CLN5: variants seen among roughly 807,000 people sequenced by gnomAD.
CLN5 encodes the protein bis(monoacylglycero)phosphate synthase CLN5.
In CLN5, 34 loss-of-function variants were observed where a neutral mutation model predicts 36.7. The observed-to-expected ratio is 0.93, with a 90% confidence interval of 0.71 to 1.23. The LOEUF (loss-of-function observed/expected upper bound fraction) is 1.23, where lower values mean the gene tolerates loss of function less well. CLN5 is among the 50% of genes most tolerant of loss of function. The probability of loss-of-function intolerance (pLI) is 0.00; values close to 1 mark genes in which losing one functional copy is unlikely to be tolerated. For synonymous variants in CLN5, 151 were observed against 155.1 expected (o/e 0.97, Z 0.20); for missense variants, 427 against 439.4 (o/e 0.97, Z 0.25).
At chr13:76,994,237 G>A (rs1039727129) in intron 1 of CLN5, 21 of 152,106 alleles carry the variant, frequency 1.4e-4, no homozygotes, top group Admixed American at 7.2e-4. Context: ...AGTCTCTTCC[G>A]TCTCCATTCC....
At chr13:76,996,759 C>A (rs2034275560) in intron 3 of CLN5, 1 of 153,156 alleles carries the variant, frequency 6.5e-6, no homozygotes, top group Non-Finnish European at 1.5e-5. Context: ...CTGCTATAAA[C>A]ATGCATGGGA....
chr13:76,998,661 G>A (rs1490950984), intron 3 of CLN5: 1 of 152,216 alleles, frequency 6.6e-6, no homozygotes, highest in Non-Finnish European at 1.5e-5. Flanking sequence ...AGGAATTGAG[G>A]CTCAGCCAGG....
At chr13:76,998,991 T>C (rs2034314120) in intron 3 of CLN5, 1 of 152,156 alleles carries the variant, frequency 6.6e-6, no homozygotes, top group African/African-American at 2.4e-5. Context: ...GTAAAATAGT[T>C]CAAAATATGC....
At chr13:76,995,615 C>A in intron 2 of CLN5, 1 of 512,170 alleles carries the variant, frequency 2.0e-6, no homozygotes. Flanking sequence ...GGCATGGGGG[C>A]TCCTCACACT....
intron 1 of CLN5, chr13:76,993,036 C>T (rs2034207165): frequency 6.6e-6 from 1 of 152,180 alleles, no homozygotes; most frequent in South Asian, 2.1e-4. Flanking sequence ...TTTCTTTAAA[C>T]CAAAAGCATC....
rs1593906921 is a variant in CLN5, at chr13:76,992,096, C to G, written c.-3C>G. On this transcript the variant is annotated 5_prime_UTR_variant, in exon 1 of 4. Coordinates refer to ENST00000377453, the MANE Select transcript of CLN5 (RefSeq NM_006493.4). The stretch of plus-strand genomic sequence containing the variant: ...AGGCTCCGGAAGTACTGGGTGCAGC[C>G]TGATGGCGCAGGAGGTAGACACGGC... 4 of 1,611,836 alleles carry G rather than the reference C, an allele frequency of 2.5e-6. No homozygotes were observed. Among genetic ancestry groups the G allele is most frequent in the South Asian group, 1.1e-5 (1 of 91,036 alleles).
In CLN5 at chr13:77,001,034, T is replaced by C; in HGVS notation, c.*65T>C. The C allele has an allele frequency of 2.1e-6, 3 of 1,430,630 alleles. No homozygotes were observed. In the South Asian group the frequency reaches 3.6e-5, roughly 17 times the overall value. 88.6% of individuals were successfully genotyped at this position (1,430,630 alleles called of 1,614,324 possible). On this transcript the variant is annotated 3_prime_UTR_variant, in exon 4 of 4. Coordinates refer to ENST00000377453, the MANE Select transcript of CLN5 (RefSeq NM_006493.4). ...GCATCTGTTTTTCAGGGGGTGATTT[T>C]ACTTTTGTGAATTCCTTAGCCTTTC...
intron 2 of CLN5, chr13:76,995,566 C>T: frequency 2.0e-6 from 1 of 488,268 alleles, no homozygotes; most frequent in South Asian, 2.1e-5. Flanking sequence ...CAGGTTAACC[C>T]ATCACCATGT....
chr13:76,999,142 T>A (rs1393124403), intron 3 of CLN5: 2 of 152,230 alleles, frequency 1.3e-5, no homozygotes, highest in East Asian at 1.9e-4. Context: ...GTATCCCCAG[T>A]TCTAATACAA....
In CLN5 at chr13:77,004,890, A is replaced by T. The variant is rs897167670; in HGVS notation, c.*3921A>T. 6.6e-5 allele frequency: 10 copies of T among 152,222 alleles called. No homozygotes were observed. The highest frequency in any genetic ancestry group is 1.9e-4 in the African/African-American group (8 of 41,462). 9.4% of individuals were successfully genotyped at this position (152,222 alleles called of 1,614,324 possible). ...TGAAAATAATTTCAATAGTTGAAAA[A>T]CTATTCTAATTTATATAAAGACATT... On this transcript the variant is annotated 3_prime_UTR_variant, in exon 4 of 4. Coordinates refer to ENST00000377453, the MANE Select transcript of CLN5 (RefSeq NM_006493.4).
chr13:76,995,475 G>A, intron 2 of CLN5: 1 of 530,732 alleles, frequency 1.9e-6, no homozygotes, highest in East Asian at 3.5e-5. Context: ...CCTAGCTCCT[G>A]GAAGGTGAGA....
intron 3 of CLN5, chr13:76,996,425 T>C (rs182708553): frequency 1.9e-4 from 67 of 357,710 alleles, no homozygotes; most frequent in African/African-American, 1.2e-3. Context: ...CTGTACCCAA[T>C]GTATAGTCTT....
At chr13:77,000,258 G>A (rs1227259092) in intron 3 of CLN5, 200 bp from the exon 4 acceptor site, 6 of 456,460 alleles carry the variant, frequency 1.3e-5, no homozygotes, top group Admixed American at 3.9e-5. Context: ...GGTGGCCAGC[G>A]CCTGTAGTCC....
rs999811727 is a variant in CLN5, at chr13:77,002,806, C to T, written c.*1837C>T. The T allele has an allele frequency of 6.6e-6, 1 of 152,084 alleles. No homozygotes were observed. Among genetic ancestry groups the T allele is most frequent in the African/African-American group, 2.4e-5 (1 of 41,420 alleles). The allele number at this position is 152,084 out of a possible 1,614,324, so 9.4% of individuals were successfully genotyped here. On this transcript the variant is annotated 3_prime_UTR_variant, in exon 4 of 4. Coordinates refer to ENST00000377453, the MANE Select transcript of CLN5 (RefSeq NM_006493.4). ...ATCTAGTGGCTAAACTCAGGCAACA[C>T]GAACTTCTACCAAACTCAGGAAATT...
intron 3 of CLN5, chr13:76,999,810 G>A (rs1285711213): frequency 6.6e-6 from 1 of 152,200 alleles, no homozygotes; most frequent in Non-Finnish European, 1.5e-5. Context: ...GAGTTGGGTA[G>A]AGAAAGAGAG....
intron 3 of CLN5, chr13:76,996,366 AGTG>A: frequency 2.1e-6 from 1 of 484,414 alleles, no homozygotes; most frequent in South Asian, 2.2e-5. Flanking sequence ...TAAGTTCTTT[AGTG>A]GTGATTTCTG....
rs2034398506 is a variant in CLN5 at position 77,003,596 on chromosome 13, T to G, written c.*2627T>G. On this transcript the variant is annotated 3_prime_UTR_variant, in exon 4 of 4. Coordinates refer to ENST00000377453, the MANE Select transcript of CLN5 (RefSeq NM_006493.4). ...TTTGAGCAATATGACTTAATGTGAT[T>G]TACTTTAATTATAACTTAAGTACAA... 6.6e-6 allele frequency: 1 copy of G among 152,238 alleles called. No homozygotes were observed. 9.4% of individuals were successfully genotyped at this position (152,238 alleles called of 1,614,324 possible).
In CLN5 at chr13:77,000,480, A is replaced by G. The variant is rs2034339526; in HGVS notation, c.588A>G (p.Ala196=). 1 of 1,613,274 alleles carries G rather than the reference A, an allele frequency of 6.2e-7. No individual in the cohort carries two copies. Among genetic ancestry groups the G allele is most frequent in the Admixed American group, 1.7e-5 (1 of 59,920 alleles). Residue 196 remains alanine (A), a synonymous_variant, in exon 4 of 4, where the codon GCA becomes GCG. Transcript: ENST00000377453. Reference sequence around the variant, plus strand: ...TAGGAAACATGTTCAACCAAATGGCAAAGTGGGTGAAACAGGACAATGAAA... The same window carrying G: ...TAGGAAACATGTTCAACCAAATGGCGAAGTGGGTGAAACAGGACAATGAAA... ...TISGNMFNQM[A]KWVKQDNETG...
In CLN5 at chr13:76,996,025, GC is replaced by G; in HGVS notation, c.467del (p.Pro156LeufsTer26). The G allele has an allele frequency of 4.3e-6, 7 of 1,614,126 alleles. No homozygotes were observed. Among genetic ancestry groups the G allele is most frequent in the Non-Finnish European group, 5.1e-6 (6 of 1,179,964 alleles). ...TFPHLRPEMD[A>X]PFWCNQGAAC... ...TCCCCATCTCCGACCTGAAATGGAT[GC>G]CCCTTTCTGGTGTAATCAAGGCGCT... On this transcript the variant is annotated frameshift_variant, in exon 3 of 4. Coordinates refer to ENST00000377453, the MANE Select transcript of CLN5 (RefSeq NM_006493.4). LOFTEE classifies it high-confidence loss of function.
Sources: gnomAD v4.1 joint callset for allele counts on GRCh38, gnomAD v4.1.1 for gene constraint, MANE v1.5 for transcripts, NCBI Gene and HGNC (gene_info 2026-07-23, HGNC 2026-07-21) for gene names.